Variants in DMD observed in about 807,000 individuals in gnomAD.
The protein encoded by DMD is dystrophin, also known as mutant dystrophin.
A neutral mutation model predicts 330.1 loss-of-function variants in DMD; 63 were observed. The ratio of observed to expected loss-of-function variants is 0.19; its 90% CI spans 0.16 to 0.24. The LOEUF is 0.24. Among genes scored for constraint, DMD ranks in the 10% least tolerant of loss-of-function variants. The pLI is 1.00. For synonymous variants in DMD, 1,223 were observed against 959.8 expected (o/e 1.27, Z -5.07); for missense variants, 3,344 against 2,684.1 (o/e 1.25, Z -5.43).
At chrX:33,219,306 T>TTGTGTGTGTGTGTGTGTGTGTGTG (rs56332488) in intron 1 of DMD, among the ~76,000 whole-genome samples, 2 of 72,974 alleles carry the variant, frequency 2.7e-5, no homozygotes, top group Admixed American at 1.7e-4. Flanking sequence ...TTAGAGATTA[T>TTGTGTGTGTGTGTGTGTGTGTGTG]TGTGTGTGTG....
intron 44 of DMD, among the ~76,000 whole-genome samples, chrX:32,033,669 A>AG (rs2095912169): frequency 1.9e-5 from 1 of 52,292 alleles, no homozygotes; most frequent in Non-Finnish European, 3.6e-5. Flanking sequence ...AGAAAGAAAG[A>AG]AAGGAAGGAA....
chrX:32,417,531 A>G (rs1343114202), intron 29 of DMD, among the ~76,000 whole-genome samples: 1 of 111,012 alleles, frequency 9.0e-6, no homozygotes, highest in Non-Finnish European at 1.9e-5. Context: ...TAGGTAAAAA[A>G]TGAATGAGAA....
chrX:31,530,366 G>C (rs2073641106), intron 55 of DMD, among the ~76,000 whole-genome samples: 1 of 112,046 alleles, frequency 8.9e-6, no homozygotes, highest in African/African-American at 3.2e-5. Context: ...GAAAAGCAGA[G>C]AGAAGACACT....
At chrX:31,670,717 T>TC (rs946089094) in intron 53 of DMD, among the ~76,000 whole-genome samples, 5 of 111,692 alleles carry the variant, frequency 4.5e-5, no homozygotes, top group African/African-American at 1.6e-4. Context: ...ATGGTGTTTT[T>TC]CCCGTGGTCA....
intron 44 of DMD, among the ~76,000 whole-genome samples, chrX:31,993,995 G>A (rs940973283): frequency 9.0e-6 from 1 of 111,181 alleles, no homozygotes; most frequent in Non-Finnish European, 1.9e-5. Context: ...AATAATGCAA[G>A]CTCTTCAGGA....
chrX:32,226,559 C>G (rs1215485620), intron 43 of DMD, among the ~76,000 whole-genome samples: 1 of 111,639 alleles, frequency 9.0e-6, no homozygotes, highest in Admixed American at 9.5e-5. Context: ...GTTCCTGGTA[C>G]ATGATAAATG....
chrX:33,197,369 G>A (rs1445274228), intron 1 of DMD, among the ~76,000 whole-genome samples: 1 of 112,011 alleles, frequency 8.9e-6, no homozygotes, highest in African/African-American at 3.2e-5. Context: ...TAAAAACTGG[G>A]AAATTATTGC....
chrX:33,119,460 C>T (rs937890035), intron 1 of DMD, among the ~76,000 whole-genome samples: 1 of 112,237 alleles, frequency 8.9e-6, no homozygotes, highest in African/African-American at 3.2e-5. Context: ...TACTGCGTGA[C>T]TGACAATATG....
At chrX:33,178,455 T>C (rs2049796857) in intron 1 of DMD, among the ~76,000 whole-genome samples, 1 of 112,080 alleles carries the variant, frequency 8.9e-6, no homozygotes, top group Non-Finnish European at 1.9e-5. Context: ...AACACACTTC[T>C]ATTTCTGGAT....
chrX:32,517,477 A>C, intron 18 of DMD: 1 of 112,979 alleles, frequency 8.9e-6, no homozygotes, highest in South Asian at 3.6e-4. Flanking sequence ...AAATACTGAG[A>C]AAGGCTGGAC....
At chrX:32,219,354 T>C (rs111232219) in intron 43 of DMD, among the ~76,000 whole-genome samples, 2,277 of 111,840 alleles carry the variant, frequency 0.02, 63 homozygotes, top group African/African-American at 0.069. Flanking sequence ...TGCATTTGCA[T>C]CACTGGAGTC....
At chrX:32,818,796 T>C in intron 5 of DMD, among the ~76,000 whole-genome samples, 1 of 109,781 alleles carries the variant, frequency 9.1e-6, no homozygotes, top group Middle Eastern at 4.6e-3. Flanking sequence ...CCAGCCAATG[T>C]CACACCCTCT....
At chrX:33,246,960 G>A (rs1401494442) in intron 1 of DMD, among the ~76,000 whole-genome samples, 2 of 111,136 alleles carry the variant, frequency 1.8e-5, no homozygotes, top group African/African-American at 3.3e-5. Context: ...CTGGCATTAC[G>A]GGCATGAGCC....
chrX:32,943,677 C>T (rs888989650), intron 2 of DMD, among the ~76,000 whole-genome samples: 1 of 111,493 alleles, frequency 9.0e-6, no homozygotes, highest in Non-Finnish European at 1.9e-5. Context: ...CGATAATTTC[C>T]CTGGAAATGC....
At position 32,549,162 on chromosome X, in the gene DMD, A is replaced by AT. The variant is rs1212499432; in HGVS notation, c.1993-3829dup. ...GGAGCTGATTCCTCTTAGAGTGGTT[A>AT]TAAGTAGAGGCATTGGAGCCAGTCT... On this transcript the variant is annotated intron_variant, in intron 16 of 78. Coordinates refer to ENST00000357033, the MANE Select transcript of DMD (RefSeq NM_004006.3). Among the ~76,000 whole-genome samples the AT allele has an allele frequency of 2.7e-5, 3 of 112,258 alleles. No individual in the cohort carries two copies. The East Asian group carries it at 8.4e-4, about 31-fold the overall frequency.
intron 12 of DMD, among the ~76,000 whole-genome samples, chrX:32,600,852 AAT>A (rs1268820784): frequency 9.0e-6 from 1 of 111,427 alleles, no homozygotes; most frequent in Non-Finnish European, 1.9e-5. Context: ...AGGTTCTAGG[AAT>A]AGAGTTGAGT....
At chrX:32,097,062 T>G (rs1347235001) in intron 44 of DMD, among the ~76,000 whole-genome samples, 1 of 111,781 alleles carries the variant, frequency 8.9e-6, no homozygotes, top group Non-Finnish European at 1.9e-5. Flanking sequence ...ACATTTTTTT[T>G]GGATCAGTAT....
intron 55 of DMD, among the ~76,000 whole-genome samples, chrX:31,551,823 C>T (rs2074501170): frequency 8.9e-6 from 1 of 112,141 alleles, no homozygotes; most frequent in African/African-American, 3.2e-5. Flanking sequence ...TCTGTACTCA[C>T]TTGCATTTGC....
rs1284573492 is a variant in DMD, at chrX:32,554,811, AGGGAGGGAGGGAGG to A, written c.1993-9491_1993-9478del. Among the ~76,000 whole-genome samples the A allele has an allele frequency of 5.8e-3, 57 of 9,886 alleles. 6 individuals are homozygous for A. The highest frequency in any genetic ancestry group is 7.6e-3 in the African/African-American group (12 of 1,578). The allele number at this position is 9,886 out of a possible 115,157, so 8.6% of individuals were successfully genotyped here. A position where few individuals can be genotyped will look rare whatever the true frequency, so the allele number is the denominator to read the frequency against. On this transcript the variant is annotated intron_variant, in intron 16 of 78. Transcript: ENST00000357033. ...TGATGCCAAAACCTGGGAGGGAGGGAGGGAGGGAGGGAGGGGGAGGGAGAGAGAGAGAGAGAGAG... is the reference window on the plus strand; with the variant it reads ...TGATGCCAAAACCTGGGAGGGAGGGAGGGAGGGAGAGAGAGAGAGAGAGAG...
Sources: allele counts gnomAD v4.1 joint callset (sites outside exome capture counted in the v4.1 genomes callset), GRCh38; gene constraint gnomAD v4.1.1; transcripts MANE v1.5; gene names NCBI Gene and HGNC (gene_info 2026-07-23, HGNC 2026-07-21).